The following MBOAT2 variants were observed in gnomAD, a reference collection of about 807,000 sequenced individuals.
MBOAT2 encodes the protein membrane-bound glycerophospholipid O-acyltransferase 2.
A neutral mutation model predicts 63.4 loss-of-function variants in MBOAT2; 28 were observed. That is an observed-to-expected ratio of 0.44 (90% CI 0.33 to 0.61). The LOEUF is 0.61. Among genes scored for constraint, MBOAT2 ranks in the 20% least tolerant of loss-of-function variants. The pLI, the probability that MBOAT2 is intolerant of heterozygous loss-of-function variation, is 0.03. For missense variants in MBOAT2, 470 were observed against 605.8 expected, an observed-to-expected ratio of 0.78 and a Z score of 2.35; for synonymous variants, 211 against 215.6, an observed-to-expected ratio of 0.98 and a Z score of 0.19.
intron 4 of MBOAT2, chr2:8,908,287 T>C (rs1665473826): frequency 5.5e-6 from 1 of 180,932 alleles, no homozygotes; most frequent in South Asian, 1.9e-4. Flanking sequence ...AATACTGGTG[T>C]TGAATGGAGA....
At chr2:8,865,481 C>T (rs1168221184) in intron 9 of MBOAT2, among the ~76,000 whole-genome samples, 1 of 152,176 alleles carries the variant, frequency 6.6e-6, no homozygotes, top group Non-Finnish European at 1.5e-5. Flanking sequence ...CTTCCATCTT[C>T]TCCGGGACTT....
At chr2:8,910,734 T>C (rs1245677702) in intron 3 of MBOAT2, among the ~76,000 whole-genome samples, 1 of 152,190 alleles carries the variant, frequency 6.6e-6, no homozygotes, top group Admixed American at 6.5e-5. Context: ...GTGTAGTTTC[T>C]GTCTAATGTA....
At chr2:8,987,334 A>G (rs1003866000) in intron 1 of MBOAT2, among the ~76,000 whole-genome samples, 4 of 152,170 alleles carry the variant, frequency 2.6e-5, no homozygotes, top group Admixed American at 2.0e-4. Flanking sequence ...ACTCTGGCCT[A>G]CTATGTTCAC....
chr2:8,878,419 C>T (rs1250898104), intron 6 of MBOAT2, among the ~76,000 whole-genome samples: 2 of 152,326 alleles, frequency 1.3e-5, no homozygotes, highest in East Asian at 3.9e-4. Context: ...GCTTCTTGAA[C>T]ATGTTACAGT....
At chr2:8,872,489 C>T (rs540754382) in intron 8 of MBOAT2, among the ~76,000 whole-genome samples, 1 of 152,182 alleles carries the variant, frequency 6.6e-6, no homozygotes, top group African/African-American at 2.4e-5. Context: ...ACTATGTTGC[C>T]CAGGCTGGTC....
intron 3 of MBOAT2, among the ~76,000 whole-genome samples, chr2:8,941,064 GA>G (rs926881099): frequency 5.0e-5 from 7 of 140,028 alleles, no homozygotes; most frequent in Non-Finnish European, 7.8e-5. Flanking sequence ...GGCCTAAGCA[GA>G]AAAAAAAATG....
chr2:8,950,173 C>A (rs1016196829), intron 2 of MBOAT2, among the ~76,000 whole-genome samples: 4 of 152,076 alleles, frequency 2.6e-5, no homozygotes, highest in Non-Finnish European at 5.9e-5. Context: ...GATCTTGTAG[C>A]CTGAAATCTT....
intron 3 of MBOAT2, among the ~76,000 whole-genome samples, chr2:8,926,269 C>T (rs967526778): frequency 8.5e-5 from 13 of 152,176 alleles, no homozygotes; most frequent in African/African-American, 3.1e-4. Context: ...GCTGGGACTA[C>T]AGGCACACAG....
chr2:8,869,153 C>A (rs962811451), intron 8 of MBOAT2, among the ~76,000 whole-genome samples: 8 of 151,928 alleles, frequency 5.3e-5, no homozygotes, highest in African/African-American at 1.7e-4. Context: ...CTCAAGCAAT[C>A]CTCCTGTCTC....
rs978024525 is a variant in MBOAT2 at position 8,975,720 on chromosome 2, T to G, written c.76-17078A>C. Among the ~76,000 whole-genome samples, 9 of 146,818 alleles carry G rather than the reference T, an allele frequency of 6.1e-5. No homozygotes were observed. In the South Asian group the frequency reaches 6.3e-4, roughly 10 times the overall value. On this transcript the variant is annotated intron_variant, in intron 1 of 12. Transcript: ENST00000305997. Reference sequence around the variant, plus strand: ...ACACTTCTTGTATAGGTACAATGGATGAACACCACAGCCATGGTTGTCCCC... The same window carrying G: ...ACACTTCTTGTATAGGTACAATGGAGGAACACCACAGCCATGGTTGTCCCC...
intron 3 of MBOAT2, among the ~76,000 whole-genome samples, chr2:8,921,033 T>C (rs1666528369): frequency 6.6e-6 from 1 of 152,220 alleles, no homozygotes; most frequent in African/African-American, 2.4e-5. Context: ...TAGTTAGATT[T>C]TTTTTAATCC....
chr2:8,911,083 G>A (rs142689063), intron 3 of MBOAT2, among the ~76,000 whole-genome samples: 72 of 152,250 alleles, frequency 4.7e-4, no homozygotes, highest in African/African-American at 1.6e-3. Context: ...ACTGAGAAGC[G>A]CCTTACAGTC....
At chr2:8,913,124 G>T (rs955494254) in intron 3 of MBOAT2, among the ~76,000 whole-genome samples, 1 of 152,018 alleles carries the variant, frequency 6.6e-6, no homozygotes, top group African/African-American at 2.4e-5. Context: ...TGGATAATTG[G>T]CTAGCCACAT....
At chr2:8,919,967 T>C (rs1666459294) in intron 3 of MBOAT2, among the ~76,000 whole-genome samples, 1 of 152,162 alleles carries the variant, frequency 6.6e-6, no homozygotes. Context: ...TGTCTCACTA[T>C]GTTGCCCAGG....
chr2:8,865,835 G>C (rs1027291931), intron 9 of MBOAT2, among the ~76,000 whole-genome samples: 2 of 152,136 alleles, frequency 1.3e-5, no homozygotes, highest in Non-Finnish European at 1.5e-5. Context: ...TCAGGAGTTC[G>C]AGACTAGCCT....
chr2:8,928,134 A>G (rs921357828), intron 3 of MBOAT2, among the ~76,000 whole-genome samples: 1 of 152,122 alleles, frequency 6.6e-6, no homozygotes, highest in African/African-American at 2.4e-5. Flanking sequence ...GCGCTAAACC[A>G]TTCATGAGAA....
chr2:8,864,290 T>C (rs1220035640), intron 9 of MBOAT2, 56 bp from the exon 10 acceptor site: 11 of 978,452 alleles, frequency 1.1e-5, no homozygotes, highest in Non-Finnish European at 1.5e-5. Context: ...GCTTTAAATA[T>C]AATAATATAT....
intron 3 of MBOAT2, among the ~76,000 whole-genome samples, chr2:8,910,265 C>T (rs1030937137): frequency 4.6e-5 from 7 of 151,688 alleles, no homozygotes; most frequent in Admixed American, 2.0e-4. Context: ...TGATCACACA[C>T]ATCTAGGGGA....
chr2:8,895,825 A>G (rs1036279283), intron 4 of MBOAT2, among the ~76,000 whole-genome samples: 2 of 152,170 alleles, frequency 1.3e-5, no homozygotes, highest in Non-Finnish European at 2.9e-5. Flanking sequence ...TCTAGAGGAA[A>G]CAAATTTGAC....
Sources: allele counts gnomAD v4.1 joint callset (sites outside exome capture counted in the v4.1 genomes callset), GRCh38; gene constraint gnomAD v4.1.1; transcripts MANE v1.5; gene names NCBI Gene and HGNC (gene_info 2026-07-23, HGNC 2026-07-21).